Variants in CSMD1 observed in about 807,000 individuals in gnomAD.
CSMD1 encodes CUB and sushi domain-containing protein 1.
In CSMD1, 213 loss-of-function variants were observed where a neutral mutation model predicts 417.5. The observed-to-expected ratio is 0.51, with a 90% CI of 0.46 to 0.57. The LOEUF (loss-of-function observed/expected upper bound fraction) is 0.57, where lower values mean the gene tolerates loss of function less well. Ranked by LOEUF, CSMD1 falls within the 20% of genes least tolerant of loss-of-function variation. The pLI, the probability that CSMD1 is intolerant of heterozygous loss-of-function variation, is 0.00. For synonymous variants in CSMD1, 2,862 were observed against 1,736.8 expected (o/e 1.65, Z -16.11); for missense variants, 6,923 against 4,529.7 (o/e 1.53, Z -15.17).
intron 3 of CSMD1, among the ~76,000 whole-genome samples, chr8:4,313,368 T>C (rs1798737445): frequency 6.6e-6 from 1 of 152,202 alleles, no homozygotes; most frequent in Admixed American, 6.5e-5. Context: ...ATTGTCACTA[T>C]GCGTGACACA....
chr8:4,985,512 C>T (rs1811132374), intron 1 of CSMD1, among the ~76,000 whole-genome samples: 1 of 152,144 alleles, frequency 6.6e-6, no homozygotes, highest in African/African-American at 2.4e-5. Flanking sequence ...TTTCAAGAGT[C>T]AAGTCTTCCC....
rs1426998277 is a variant in CSMD1 at position 3,888,199 on chromosome 8, C to T, written c.818+109704G>A. Among the ~76,000 whole-genome samples the T allele has an allele frequency of 4.6e-5, 7 of 152,124 alleles. No individual in the cohort carries two copies. The East Asian group carries it at 1.4e-3, about 29-fold the overall frequency. On this transcript the variant is annotated intron_variant, in intron 5 of 69. Transcript: ENST00000635120. ...AATTATAACATACCTGACCTAAAAA[C>T]TTCAAATCAAAACCTAGACATAAAG... is the stretch of plus-strand genomic sequence containing the variant.
chr8:3,531,934 C>A (rs1797999125), intron 10 of CSMD1, among the ~76,000 whole-genome samples: 1 of 152,182 alleles, frequency 6.6e-6, no homozygotes, highest in South Asian at 2.1e-4. Context: ...CATGCAGTAG[C>A]TTAGGCTGAG....
intron 8 of CSMD1, among the ~76,000 whole-genome samples, chr8:3,588,479 GA>G (rs1477065056): frequency 5.9e-5 from 9 of 152,184 alleles, no homozygotes; most frequent in African/African-American, 1.9e-4. Flanking sequence ...AGTTCAAACA[GA>G]AAGGGAGGGA....
chr8:3,931,845 A>C (rs896096307), intron 5 of CSMD1, among the ~76,000 whole-genome samples: 1 of 148,142 alleles, frequency 6.8e-6, no homozygotes, highest in Admixed American at 6.7e-5. Context: ...GCTATCTTTA[A>C]GGCAGAGTTG....
At chr8:4,314,896 A>T (rs1798832471) in intron 3 of CSMD1, among the ~76,000 whole-genome samples, 1 of 152,162 alleles carries the variant, frequency 6.6e-6, no homozygotes. Context: ...GAAGAACATA[A>T]TTGGGCTCCT....
At chr8:3,230,419 T>G (rs956537797) in intron 26 of CSMD1, among the ~76,000 whole-genome samples, 188 bp from the exon 27 acceptor site, 2 of 152,194 alleles carry the variant, frequency 1.3e-5, no homozygotes, top group African/African-American at 2.4e-5. Context: ...TCATTGTGCT[T>G]GCATTGCATA....
At chr8:3,725,410 T>C (rs1417577642) in intron 6 of CSMD1, among the ~76,000 whole-genome samples, 1 of 152,174 alleles carries the variant, frequency 6.6e-6, no homozygotes, top group Non-Finnish European at 1.5e-5. Flanking sequence ...ATTTTTATTT[T>C]TTAAAAGGAA....
chr8:3,638,190 G>C (rs9792136), intron 7 of CSMD1, among the ~76,000 whole-genome samples: 21,045 of 152,080 alleles, frequency 0.14, 2,940 homozygotes, highest in African/African-American at 0.36. Context: ...TTCAAACCCA[G>C]TTCAGCAAGT....
At chr8:4,113,418 T>A (rs1205704066) in intron 3 of CSMD1, among the ~76,000 whole-genome samples, 15 of 93,140 alleles carry the variant, frequency 1.6e-4, no homozygotes, top group East Asian at 9.3e-4. Flanking sequence ...TTTTTTTTTT[T>A]AAATGAGACA....
intron 49 of CSMD1, among the ~76,000 whole-genome samples, chr8:3,060,623 G>C (rs189268406): frequency 8.1e-4 from 123 of 152,306 alleles, no homozygotes; most frequent in African/African-American, 2.8e-3. Context: ...TTAAATTCAT[G>C]TTTCACTTTC....
intron 6 of CSMD1, among the ~76,000 whole-genome samples, chr8:3,721,570 T>C (rs891360438): frequency 1.3e-5 from 2 of 152,214 alleles, no homozygotes; most frequent in African/African-American, 4.8e-5. Context: ...TAAATTCCAG[T>C]GGTATTTCAG....
intron 3 of CSMD1, among the ~76,000 whole-genome samples, chr8:4,087,352 C>T (rs1005783743): frequency 6.6e-6 from 1 of 152,200 alleles, no homozygotes; most frequent in East Asian, 1.9e-4. Context: ...ACTTGCAAGT[C>T]TGAATTTGCT....
chr8:3,511,061 T>A (rs1162224868), intron 10 of CSMD1, among the ~76,000 whole-genome samples: 1 of 151,798 alleles, frequency 6.6e-6, no homozygotes, highest in Admixed American at 6.5e-5. Context: ...TAAAAAAGGA[T>A]GACTTGATGT....
At chr8:4,208,551 C>T (rs908878624) in intron 3 of CSMD1, among the ~76,000 whole-genome samples, 2 of 152,132 alleles carry the variant, frequency 1.3e-5, no homozygotes, top group Non-Finnish European at 2.9e-5. Flanking sequence ...ACTTCAATAT[C>T]AGATTGACTT....
intron 5 of CSMD1, among the ~76,000 whole-genome samples, chr8:3,889,110 T>C (rs1180280896): frequency 6.6e-6 from 1 of 152,036 alleles, no homozygotes. Flanking sequence ...TGCTGCAAGT[T>C]AGAAGTTTTA....
intron 26 of CSMD1, among the ~76,000 whole-genome samples, chr8:3,271,147 C>T (rs547480956): frequency 7.6e-4 from 108 of 142,130 alleles, no homozygotes; most frequent in Non-Finnish European, 3.0e-4. Context: ...TCTCATTGTT[C>T]AGTTCCCACC....
At chr8:3,876,375 G>A (rs1054307321) in intron 5 of CSMD1, among the ~76,000 whole-genome samples, 42 of 152,166 alleles carry the variant, frequency 2.8e-4, no homozygotes, top group Admixed American at 4.6e-4. Context: ...TTGTCCTAGA[G>A]TACTCAATAA....
chr8:4,917,057 G>A (rs1806111526), intron 1 of CSMD1, among the ~76,000 whole-genome samples: 2 of 152,250 alleles, frequency 1.3e-5, no homozygotes, highest in Middle Eastern at 3.4e-3. Flanking sequence ...GATTTAATTG[G>A]CTCAGGTTCG....
Sources: gnomAD v4.1 joint callset for allele counts (sites outside exome capture counted in the v4.1 genomes callset) on GRCh38, gnomAD v4.1.1 for gene constraint, MANE v1.5 for transcripts, NCBI Gene and HGNC (gene_info 2026-07-23, HGNC 2026-07-21) for gene names.